Variants in MFSD6 observed in about 807,000 individuals in gnomAD.
The protein encoded by MFSD6 is major facilitator superfamily domain-containing protein 6.
A neutral mutation model predicts 56.3 loss-of-function variants in MFSD6; 26 were observed. The observed-to-expected ratio is 0.46, with a 90% CI of 0.34 to 0.64. MFSD6 has a LOEUF of 0.64. Among genes scored for constraint, MFSD6 ranks in the 30% least tolerant of loss-of-function variants. MFSD6 has a pLI of 0.01. For missense variants in MFSD6, 750 were observed against 986.2 expected (o/e 0.76, Z 3.21); for synonymous variants, 331 against 366.9 (o/e 0.90, Z 1.12).
chr2:190,460,733 G>A (rs1687284564), intron 3 of MFSD6, among the ~76,000 whole-genome samples: 2 of 152,240 alleles, frequency 1.3e-5, no homozygotes, highest in Admixed American at 1.3e-4. Flanking sequence ...GGAGCTGGGT[G>A]AGAGCTGAAG....
At position 190,434,721 on chromosome 2, in the gene MFSD6, C is replaced by A. The variant is rs896579393; in HGVS notation, c.-53-1256C>A. Among the ~76,000 whole-genome samples the A allele has an allele frequency of 6.6e-6, 1 of 152,164 alleles. No individual in the cohort carries two copies. The highest frequency in any genetic ancestry group is 1.5e-5 in the Non-Finnish European group (1 of 68,026). ...TGCTGGGATTACAGGTGTGAGCCAC[C>A]GCGCCCGGCCAAAACACTGTTTTTC... is the stretch of plus-strand genomic sequence containing the variant. On this transcript the variant is annotated intron_variant, in intron 2 of 7. Coordinates refer to ENST00000392328, the MANE Select transcript of MFSD6 (RefSeq NM_017694.4). The surrounding 1 kb of genome is among the most constrained non-coding windows in gnomAD (Gnocchi z 4.3).
In MFSD6 at chr2:190,463,799, A is replaced by T; in HGVS notation, c.1533-5959A>T. The T allele has an allele frequency of 2.3e-6, 2 of 851,560 alleles. No homozygotes were observed. The highest frequency in any genetic ancestry group is 2.8e-6 in the Non-Finnish European group (2 of 707,728). The allele number at this position is 851,560 out of a possible 1,614,324, so 52.8% of individuals were successfully genotyped here. On this transcript the variant is annotated intron_variant, in intron 3 of 7. Coordinates refer to ENST00000392328, the MANE Select transcript of MFSD6 (RefSeq NM_017694.4). This position sits in a 1 kb window ranked among gnomAD's most constrained non-coding sequence, Gnocchi z 4.4. ...GACGCTACTGCACTCCAGCCTGGGT[A>T]ACAGAGCAAGACCCTGTCTCAAAAA...
chr2:190,489,642 C>T lies in MFSD6; in HGVS notation c.1793-126C>T, dbSNP rs559707076. 2.6e-4 allele frequency: 214 copies of T among 834,724 alleles called. No individual in the cohort carries two copies. The African/African-American group carries it at 3.6e-3, about 14-fold the overall frequency. The allele number at this position is 834,724 out of a possible 1,614,324, so 51.7% of individuals were successfully genotyped here. ...TCCATTATGTGGAGCTAATACCCAA[C>T]TACTTTTCTCTGGTTTGTCTCAAGC... On this transcript the variant is annotated intron_variant, in intron 5 of 7. Transcript: ENST00000392328. The surrounding 1 kb of genome is among the most constrained non-coding windows in gnomAD (Gnocchi z 6.6).
chr2:190,473,058 A>G (rs963584702), intron 4 of MFSD6, among the ~76,000 whole-genome samples: 12 of 151,992 alleles, frequency 7.9e-5, no homozygotes, highest in African/African-American at 2.7e-4. Flanking sequence ...TCACCACCAG[A>G]CCTGCCCTAA....
At chr2:190,411,391 C>A in intron 1 of MFSD6, 1 of 744,200 alleles carries the variant, frequency 1.3e-6, no homozygotes, top group Non-Finnish European at 1.6e-6. Context: ...ATCTCCTGAC[C>A]TCATGATTCC....
Position 190,500,372 on chromosome 2 carries a change from C to G in MFSD6, c.*154C>G, listed in dbSNP as rs1301271904. Reference sequence around the variant, plus strand: ...ACTCATTAACATGGAAACACACACACAGGAGCTACAGTACATATTGGCAGG... The same window carrying G: ...ACTCATTAACATGGAAACACACACAGAGGAGCTACAGTACATATTGGCAGG... On this transcript the variant is annotated 3_prime_UTR_variant, in exon 8 of 8. Transcript: ENST00000392328. The surrounding 1 kb of genome is among the most constrained non-coding windows in gnomAD (Gnocchi z 5.3). 1 of 744,472 alleles carries G rather than the reference C, an allele frequency of 1.3e-6. No homozygotes were observed. The highest frequency in any genetic ancestry group is 1.8e-5 in the African/African-American group (1 of 56,736). 46.1% of individuals were successfully genotyped at this position (744,472 alleles called of 1,614,324 possible).
At chr2:190,444,948 A>G (rs2125070832) in intron 3 of MFSD6, 1 of 649,720 alleles carries the variant, frequency 1.5e-6, no homozygotes, top group Non-Finnish European at 1.9e-6. Context: ...TAACTGTAGC[A>G]TACTGGGTAA....
chr2:190,422,167 T>G (rs1250181258), intron 2 of MFSD6, among the ~76,000 whole-genome samples: 1 of 152,242 alleles, frequency 6.6e-6, no homozygotes, highest in Non-Finnish European at 1.5e-5. Context: ...TATTTATCAG[T>G]TATTCATCCT....
chr2:190,424,404 C>T lies in MFSD6; in HGVS notation c.-54+8991C>T, dbSNP rs563311852. Among the ~76,000 whole-genome samples, 26 of 152,050 alleles carry T rather than the reference C, an allele frequency of 1.7e-4. No individual in the cohort carries two copies. The South Asian group carries it at 1.9e-3, about 11-fold the overall frequency. On this transcript the variant is annotated intron_variant, in intron 2 of 7. Coordinates refer to ENST00000392328, the MANE Select transcript of MFSD6 (RefSeq NM_017694.4). The surrounding 1 kb of genome is among the most constrained non-coding windows in gnomAD (Gnocchi z 5.9). ...AGGCTGGAGTGCAATGGCTCTGTCTCGGCTCACTGCAACCTCCGCCTCCCA... is the reference window on the plus strand; with the variant it reads ...AGGCTGGAGTGCAATGGCTCTGTCTTGGCTCACTGCAACCTCCGCCTCCCA...
At chr2:190,473,715 T>C (rs1688097777) in intron 4 of MFSD6, among the ~76,000 whole-genome samples, 1 of 151,928 alleles carries the variant, frequency 6.6e-6, no homozygotes, top group Non-Finnish European at 1.5e-5. Flanking sequence ...CTTTCCTGAG[T>C]GGACCTAATA....
chr2:190,452,769 A>G (rs1034698458), intron 3 of MFSD6, among the ~76,000 whole-genome samples: 1 of 152,160 alleles, frequency 6.6e-6, no homozygotes, highest in Non-Finnish European at 1.5e-5. Flanking sequence ...CCACGTCCCC[A>G]AATTATTCCT....
At position 190,412,593 on chromosome 2, in the gene MFSD6, G is replaced by A. The variant is rs954577061; in HGVS notation, c.-175-2699G>A. 1 of 985,256 alleles carries A rather than the reference G, an allele frequency of 1.0e-6. No homozygotes were observed. The highest frequency in any genetic ancestry group is 1.1e-4 in the East Asian group (1 of 8,826). 61.0% of individuals were successfully genotyped at this position (985,256 alleles called of 1,614,324 possible). A position where few individuals can be genotyped will look rare whatever the true frequency, so the allele number is the denominator to read the frequency against. Reference sequence around the variant, plus strand: ...AACAAACACATCTGATGTCAATTCTGTGTGGGGCAATGAAAACACCTTAAT... The same window carrying A: ...AACAAACACATCTGATGTCAATTCTATGTGGGGCAATGAAAACACCTTAAT... On this transcript the variant is annotated intron_variant, in intron 1 of 7. Transcript: ENST00000392328. This position sits in a 1 kb window ranked among gnomAD's most constrained non-coding sequence, Gnocchi z 4.1.
Position 190,410,484 on chromosome 2 carries a change from C to T in MFSD6, c.-176+1981C>T, listed in dbSNP as rs1690514198. 6.6e-6 allele frequency among the ~76,000 whole-genome samples: 1 copy of T among 152,216 alleles called. No homozygotes were observed. The highest frequency in any genetic ancestry group is 2.4e-5 in the African/African-American group (1 of 41,450). On this transcript the variant is annotated intron_variant, in intron 1 of 7. Transcript: ENST00000392328. This position sits in a 1 kb window ranked among gnomAD's most constrained non-coding sequence, Gnocchi z 4.4. Reference sequence around the variant, plus strand: ...TTAGCTTCGTGCCTTTGAAAATTAACTTGATTTCAATGTACATGTATTACT... The same window carrying T: ...TTAGCTTCGTGCCTTTGAAAATTAATTTGATTTCAATGTACATGTATTACT...
rs1687375879 is a variant in MFSD6 at position 190,462,417 on chromosome 2, G to C, written c.1533-7341G>C. Among the ~76,000 whole-genome samples the C allele has an allele frequency of 1.3e-5, 2 of 152,168 alleles. No individual in the cohort carries two copies. Among genetic ancestry groups the C allele is most frequent in the African/African-American group, 4.8e-5 (2 of 41,438 alleles). ...ATCCAAAATGACAGTAGCTTGTTGAGAAATACTGTTTTCATGAGAGTAATG... is the reference window on the plus strand; with the variant it reads ...ATCCAAAATGACAGTAGCTTGTTGACAAATACTGTTTTCATGAGAGTAATG... On this transcript the variant is annotated intron_variant, in intron 3 of 7. Transcript: ENST00000392328. This position sits in a 1 kb window ranked among gnomAD's most constrained non-coding sequence, Gnocchi z 5.7.
Position 190,416,466 on chromosome 2 carries a change from TATC to T in MFSD6, c.-54+1056_-54+1058del, listed in dbSNP as rs1690779632. ...TATTTCTTTCCTGGAGATAATGAAT[TATC>T]ATTCCAGTCCATATTACAATAGTGT... On this transcript the variant is annotated intron_variant, in intron 2 of 7. Transcript: ENST00000392328. This position sits in a 1 kb window ranked among gnomAD's most constrained non-coding sequence, Gnocchi z 4.1. Among the ~76,000 whole-genome samples the T allele has an allele frequency of 6.6e-6, 1 of 152,196 alleles. No individual in the cohort carries two copies. The highest frequency in any genetic ancestry group is 6.5e-5 in the Admixed American group (1 of 15,270).
intron 4 of MFSD6, among the ~76,000 whole-genome samples, chr2:190,481,748 A>G (rs1354309457): frequency 6.6e-6 from 1 of 152,226 alleles, no homozygotes; most frequent in Non-Finnish European, 1.5e-5. Context: ...CTATACATCA[A>G]TAGGTGTGGG....
Position 190,495,107 on chromosome 2 carries a change from ACTCCT to A in MFSD6, c.1892-2330_1892-2326del, listed in dbSNP as rs1271787043. Among the ~76,000 whole-genome samples, 1 of 152,000 alleles carries A rather than the reference ACTCCT, an allele frequency of 6.6e-6. No individual in the cohort carries two copies. The highest frequency in any genetic ancestry group is 2.4e-5 in the African/African-American group (1 of 41,366). ...ATTGTATACCTAGAAAACCCTAAAG[ACTCCT>A]CCTAAAAGCTCTTAGAACTGATAAA... On this transcript the variant is annotated intron_variant, in intron 6 of 7. Coordinates refer to ENST00000392328, the MANE Select transcript of MFSD6 (RefSeq NM_017694.4). The surrounding 1 kb of genome is among the most constrained non-coding windows in gnomAD (Gnocchi z 4.7).
Position 190,502,163 on chromosome 2 carries a change from A to G in MFSD6, c.*1945A>G, listed in dbSNP as rs1232944725. 2 of 152,266 alleles carry G rather than the reference A, an allele frequency of 1.3e-5. No individual in the cohort carries two copies. Among genetic ancestry groups the G allele is most frequent in the East Asian group, 3.8e-4 (2 of 5,204 alleles). 9.4% of individuals were successfully genotyped at this position (152,266 alleles called of 1,614,324 possible). Reference sequence around the variant, plus strand: ...CAAATTCAACATGCCTTTGTTATGGAACATTTACTGTGACAGCAGAATCGA... The same window carrying G: ...CAAATTCAACATGCCTTTGTTATGGGACATTTACTGTGACAGCAGAATCGA... On this transcript the variant is annotated 3_prime_UTR_variant, in exon 8 of 8. Transcript: ENST00000392328. The surrounding 1 kb of genome is among the most constrained non-coding windows in gnomAD (Gnocchi z 4.4).
rs544724622 is a variant in MFSD6, at chr2:190,457,251, G to A, written c.1533-12507G>A. Among the ~76,000 whole-genome samples, 8 of 152,080 alleles carry A rather than the reference G, an allele frequency of 5.3e-5. No individual in the cohort carries two copies. The highest frequency in any genetic ancestry group is 2.0e-4 in the Admixed American group (3 of 15,270). On this transcript the variant is annotated intron_variant, in intron 3 of 7. Coordinates refer to ENST00000392328, the MANE Select transcript of MFSD6 (RefSeq NM_017694.4). The surrounding 1 kb of genome is among the most constrained non-coding windows in gnomAD (Gnocchi z 5.1). Reference sequence around the variant, plus strand: ...ACTGGCCAACCGACTTTGTGGCCCCGGTCCACCCCTGTGGCCCTCTCCTTC... The same window carrying A: ...ACTGGCCAACCGACTTTGTGGCCCCAGTCCACCCCTGTGGCCCTCTCCTTC...
Sources: allele counts gnomAD v4.1 joint callset (sites outside exome capture counted in the v4.1 genomes callset), GRCh38; gene constraint gnomAD v4.1.1; non-coding constraint Gnocchi (gnomAD v3.1); transcripts MANE v1.5; gene names NCBI Gene and HGNC (gene_info 2026-07-23, HGNC 2026-07-21).